Variants in ATF7IP observed in about 807,000 individuals in gnomAD.
ATF7IP encodes activating transcription factor 7 interacting protein.
In ATF7IP, 23 loss-of-function variants were observed where a neutral mutation model predicts 106.4. The ratio of observed to expected loss-of-function variants is 0.22; its 90% CI spans 0.16 to 0.31. The LOEUF (loss-of-function observed/expected upper bound fraction) is 0.31, where lower values mean the gene tolerates loss of function less well. ATF7IP is among the 10% of genes least tolerant of loss of function. ATF7IP has a pLI of 1.00. For missense variants in ATF7IP, 1,334 were observed against 1,524.3 expected (o/e 0.88, Z 2.08); for synonymous variants, 542 against 539.0 (o/e 1.01, Z -0.08).
chr12:14,409,364 C>A (rs1275724056), intron 1 of ATF7IP, among the ~76,000 whole-genome samples: 1 of 152,002 alleles, frequency 6.6e-6, no homozygotes, highest in Non-Finnish European at 1.5e-5. Flanking sequence ...CATTTATCAT[C>A]ATTAATTACA....
At position 14,481,178 on chromosome 12, in the gene ATF7IP, C is replaced by A; in HGVS notation, c.3273C>A (p.Pro1091=). 6.2e-7 allele frequency: 1 copy of A among 1,613,640 alleles called. No homozygotes were observed. Among genetic ancestry groups the A allele is most frequent in the East Asian group, 2.2e-5 (1 of 44,872 alleles). ...CTCCTGCTGTTCGGCAGGTCAATCC[C>A]CAAAATAGTAAGAGATTTTTCTTGT... is the stretch of plus-strand genomic sequence containing the variant. ...MQAPAVRQVN[P]QNSVTVRVPQ... The change falls in exon 13 of 15, where the codon CCC becomes CCA. Residue 1091 remains proline, a synonymous_variant. Coordinates refer to ENST00000261168, the MANE Select transcript of ATF7IP (RefSeq NM_018179.5).
chr12:14,441,675 G>A (rs1942711743), intron 5 of ATF7IP, among the ~76,000 whole-genome samples: 3 of 151,846 alleles, frequency 2.0e-5, no homozygotes, highest in Admixed American at 2.0e-4. Flanking sequence ...ATTTTTAGTA[G>A]AGATGGGGTT....
chr12:14,482,875 T>C (rs1051784088), intron 13 of ATF7IP, among the ~76,000 whole-genome samples: 3 of 152,172 alleles, frequency 2.0e-5, no homozygotes, highest in African/African-American at 4.8e-5. Flanking sequence ...AACTATCCTT[T>C]GTACAACCGG....
At chr12:14,468,612 T>C (rs1049232864) in intron 10 of ATF7IP, among the ~76,000 whole-genome samples, 3 of 152,166 alleles carry the variant, frequency 2.0e-5, no homozygotes, top group Non-Finnish European at 4.4e-5. Flanking sequence ...AAGAGGAATT[T>C]AATATCTGAG....
intron 13 of ATF7IP, among the ~76,000 whole-genome samples, chr12:14,487,478 G>C (rs957393816): frequency 1.3e-5 from 2 of 152,182 alleles, no homozygotes; most frequent in Non-Finnish European, 2.9e-5. Flanking sequence ...GGCCATCACT[G>C]TTGCCTCACA....
At chr12:14,376,994 ATTTG>A (rs1222806334) in intron 1 of ATF7IP, among the ~76,000 whole-genome samples, 1 of 151,292 alleles carries the variant, frequency 6.6e-6, no homozygotes, top group African/African-American at 2.4e-5. Flanking sequence ...GTGTTTATTT[ATTTG>A]TTTGTTTGTT....
At position 14,446,970 on chromosome 12, in the gene ATF7IP, C is replaced by CTTTTTTTTTTTTTTTTTTTTTTTTT. The variant is rs5796595; in HGVS notation, c.1930-4_1930-3insTTTTTTTTTTTTTTTTTTTTTTTTT. 9.0e-7 allele frequency: 1 copy of CTTTTTTTTTTTTTTTTTTTTTTTTT among 1,114,410 alleles called. No homozygotes were observed. 69.0% of individuals were successfully genotyped at this position (1,114,410 alleles called of 1,614,324 possible). A position where few individuals can be genotyped will look rare whatever the true frequency, so the allele number is the denominator to read the frequency against. ...CTATTTGATTTCCATTCATTTTTGT[C>CTTTTTTTTTTTTTTTTTTTTTTTTT]TTTTTTTTTTTTTTCAGGCCAAGAT... On this transcript the variant is annotated splice_polypyrimidine_tract_variant and intron_variant, in intron 5 of 14. Coordinates refer to ENST00000261168, the MANE Select transcript of ATF7IP (RefSeq NM_018179.5).
chr12:14,490,554 C>T (rs1440866413), intron 13 of ATF7IP, among the ~76,000 whole-genome samples: 1 of 152,206 alleles, frequency 6.6e-6, no homozygotes, highest in Non-Finnish European at 1.5e-5. Context: ...TGCTGTTCTT[C>T]AGGGATGTCC....
intron 10 of ATF7IP, among the ~76,000 whole-genome samples, chr12:14,470,507 G>A (rs1402738551): frequency 6.6e-6 from 1 of 152,116 alleles, no homozygotes; most frequent in African/African-American, 2.4e-5. Flanking sequence ...ATGTATACAT[G>A]TCTCTGTTTG....
chr12:14,398,091 T>C (rs7966054), intron 1 of ATF7IP, among the ~76,000 whole-genome samples: 88,497 of 151,908 alleles, frequency 0.58, 26,350 homozygotes, highest in African/African-American at 0.7. Context: ...GCTTTGTGTC[T>C]GTCTTCCTTG....
intron 13 of ATF7IP, among the ~76,000 whole-genome samples, chr12:14,483,582 A>G (rs1029247965): frequency 1.3e-5 from 2 of 152,044 alleles, no homozygotes; most frequent in African/African-American, 4.8e-5. Flanking sequence ...GGAAGCAAAA[A>G]TTTTGCTAGT....
chr12:14,468,407 A>T (rs1943914363), intron 10 of ATF7IP, among the ~76,000 whole-genome samples: 1 of 151,726 alleles, frequency 6.6e-6, no homozygotes, highest in Non-Finnish European at 1.5e-5. Flanking sequence ...TTGGGAGGTG[A>T]AGACAGGAGG....
At position 14,494,312 on chromosome 12, in the gene ATF7IP, T is replaced by TAC. The variant is rs1565559662; in HGVS notation, c.3281-1918_3281-1917insCA. ...ATATATATATATATATATATATATA[T>TAC]ATATATATATATATATATATATGTG... On this transcript the variant is annotated intron_variant, in intron 13 of 14. Coordinates refer to ENST00000261168, the MANE Select transcript of ATF7IP (RefSeq NM_018179.5). Among the ~76,000 whole-genome samples the TAC allele has an allele frequency of 2.4e-4, 23 of 97,154 alleles. 1 individual carries two copies. Among genetic ancestry groups the TAC allele is most frequent in the Non-Finnish European group, 4.2e-4 (20 of 47,258 alleles). 63.7% of individuals were successfully genotyped at this position (97,154 alleles called of 152,430 possible). A position where few individuals can be genotyped will look rare whatever the true frequency, so the allele number is the denominator to read the frequency against.
intron 1 of ATF7IP, among the ~76,000 whole-genome samples, chr12:14,396,172 G>A (rs543494334): frequency 3.6e-4 from 55 of 152,106 alleles, no homozygotes; most frequent in African/African-American, 1.3e-3. Flanking sequence ...GTAGCTTAGA[G>A]TAGTGTATCA....
chr12:14,445,018 G>GTCT (rs897214800), intron 5 of ATF7IP, among the ~76,000 whole-genome samples: 1 of 140,286 alleles, frequency 7.1e-6, no homozygotes, highest in African/African-American at 2.7e-5. Flanking sequence ...TTGAGACAGA[G>GTCT]TCTTGCTCTG....
At chr12:14,493,849 C>T (rs1944909531) in intron 13 of ATF7IP, among the ~76,000 whole-genome samples, 1 of 152,100 alleles carries the variant, frequency 6.6e-6, no homozygotes, top group South Asian at 2.1e-4. Flanking sequence ...GCAATCTTAG[C>T]AGTTTTGAGC....
intron 13 of ATF7IP, among the ~76,000 whole-genome samples, chr12:14,494,331 A>G (rs370706566): frequency 0.4 from 36,566 of 90,312 alleles, 8,240 homozygotes; most frequent in Admixed American, 0.51. Context: ...ATATATATAT[A>G]TATGTGTGTG....
chr12:14,425,799 C>T lies in ATF7IP; in HGVS notation c.1558+326C>T, dbSNP rs148474583. Among the ~76,000 whole-genome samples the T allele has an allele frequency of 5.9e-5, 9 of 152,312 alleles. No homozygotes were observed. The South Asian group carries it at 1.0e-3, about 18-fold the overall frequency. ...TTGACTAGAGTTGTAGCAGTTCTTT[C>T]TTGCTATCACTTAGCGAACAAATAA... On this transcript the variant is annotated intron_variant, in intron 2 of 14. Coordinates refer to ENST00000261168, the MANE Select transcript of ATF7IP (RefSeq NM_018179.5).
chr12:14,467,939 A>G (rs764252284), intron 10 of ATF7IP, among the ~76,000 whole-genome samples: 8 of 152,202 alleles, frequency 5.3e-5, no homozygotes, highest in African/African-American at 1.2e-4. Flanking sequence ...AAAAAGTTGT[A>G]TTAAACTCTA....
Sources: gnomAD v4.1 joint callset for allele counts (sites outside exome capture counted in the v4.1 genomes callset) on GRCh38, gnomAD v4.1.1 for gene constraint, MANE v1.5 for transcripts, NCBI Gene and HGNC (gene_info 2026-07-23, HGNC 2026-07-21) for gene names.